ADAMTSL1: variants seen among roughly 807,000 people sequenced by gnomAD.
The protein encoded by ADAMTSL1 is ADAMTS-like protein 1.
A neutral mutation model predicts 201.8 loss-of-function variants in ADAMTSL1; 126 were observed. That is an observed-to-expected ratio of 0.62 (90% CI 0.54 to 0.72). ADAMTSL1 has a LOEUF of 0.72. ADAMTSL1 is among the 30% of genes least tolerant of loss of function. The pLI, the probability that ADAMTSL1 is intolerant of heterozygous loss-of-function variation, is 0.00. For missense variants in ADAMTSL1, 2,679 were observed against 2,277.8 expected (o/e 1.18, Z -3.59); for synonymous variants, 1,121 against 903.4 (o/e 1.24, Z -4.32).
At chr9:18,595,693 A>G (rs1824217764) in intron 4 of ADAMTSL1, among the ~76,000 whole-genome samples, 1 of 152,236 alleles carries the variant, frequency 6.6e-6, no homozygotes, top group South Asian at 2.1e-4. Flanking sequence ...TGCCAAGGCC[A>G]ATGTCAGCAA....
intron 1 of ADAMTSL1, among the ~76,000 whole-genome samples, chr9:18,084,113 C>A (rs981986964): frequency 3.9e-5 from 6 of 152,218 alleles, no homozygotes; most frequent in African/African-American, 1.4e-4. Flanking sequence ...AAATTCTTTG[C>A]CATGCGAGAA....
intron 26 of ADAMTSL1, among the ~76,000 whole-genome samples, chr9:18,899,519 G>T (rs532368127): frequency 1.3e-5 from 2 of 152,282 alleles, no homozygotes; most frequent in African/African-American, 4.8e-5. Context: ...GACAGAGCTG[G>T]AGGCATCACA....
chr9:18,390,260 G>C (rs9886800), intron 2 of ADAMTSL1, among the ~76,000 whole-genome samples: 67,397 of 151,902 alleles, frequency 0.44, 17,013 homozygotes, highest in East Asian at 0.63. Flanking sequence ...AACCATTTCT[G>C]TTACAGAAAC....
At chr9:18,843,535 G>A (rs1057260073) in intron 23 of ADAMTSL1, among the ~76,000 whole-genome samples, 5 of 150,564 alleles carry the variant, frequency 3.3e-5, no homozygotes, top group African/African-American at 5.0e-5. Flanking sequence ...TTCTCGAGGA[G>A]TATCTTTGTG....
intron 1 of ADAMTSL1, among the ~76,000 whole-genome samples, chr9:17,964,298 T>A (rs1169646700): frequency 6.6e-6 from 1 of 152,186 alleles, no homozygotes; most frequent in African/African-American, 2.4e-5. Context: ...CTTTGGTTGC[T>A]GATGACTTTA....
chr9:18,183,595 G>A (rs1336779541), intron 2 of ADAMTSL1, among the ~76,000 whole-genome samples: 1 of 152,058 alleles, frequency 6.6e-6, no homozygotes, highest in East Asian at 1.9e-4. Context: ...ATATACAGTT[G>A]GCAAATAAGC....
chr9:18,510,080 G>A (rs1199121528), intron 2 of ADAMTSL1, among the ~76,000 whole-genome samples: 1 of 152,136 alleles, frequency 6.6e-6, no homozygotes, highest in African/African-American at 2.4e-5. Flanking sequence ...CATCTACCAG[G>A]TAAATTAACC....
chr9:18,438,014 G>T (rs912437156), intron 2 of ADAMTSL1, among the ~76,000 whole-genome samples: 1 of 152,138 alleles, frequency 6.6e-6, no homozygotes, highest in East Asian at 1.9e-4. Context: ...GGGAAGGAGA[G>T]GATCAAGGTC....
chr9:17,934,707 C>G (rs910929578), intron 1 of ADAMTSL1, among the ~76,000 whole-genome samples: 1 of 151,978 alleles, frequency 6.6e-6, no homozygotes, highest in Non-Finnish European at 1.5e-5. Flanking sequence ...AGCTATCAGA[C>G]AAAAAGTCAA....
At chr9:18,663,291 C>T (rs899798745) in intron 9 of ADAMTSL1, among the ~76,000 whole-genome samples, 2 of 151,986 alleles carry the variant, frequency 1.3e-5, no homozygotes, top group African/African-American at 4.8e-5. Flanking sequence ...AACAGGTTTT[C>T]ATTAAAAGAA....
chr9:18,117,188 C>T (rs1014984203), intron 1 of ADAMTSL1, among the ~76,000 whole-genome samples: 1 of 152,094 alleles, frequency 6.6e-6, no homozygotes, highest in African/African-American at 2.4e-5. Context: ...ATTCTTTTGC[C>T]ATTCTCTAGC....
At chr9:18,649,812 C>T (rs890655938) in intron 7 of ADAMTSL1, among the ~76,000 whole-genome samples, 1 of 152,088 alleles carries the variant, frequency 6.6e-6, no homozygotes, top group Non-Finnish European at 1.5e-5. Flanking sequence ...GGGGGTGCCT[C>T]CCAGTTAGGC....
intron 2 of ADAMTSL1, among the ~76,000 whole-genome samples, chr9:18,314,925 T>C (rs540196893): frequency 2.0e-5 from 3 of 148,096 alleles, no homozygotes; most frequent in South Asian, 2.2e-4. Context: ...GCCTCCCGAG[T>C]AGCTGGGACT....
At chr9:18,443,768 A>C (rs1265966548) in intron 2 of ADAMTSL1, among the ~76,000 whole-genome samples, 1 of 152,220 alleles carries the variant, frequency 6.6e-6, no homozygotes, top group African/African-American at 2.4e-5. Flanking sequence ...TTCAGTGTAC[A>C]TGGATTATAG....
At chr9:18,505,015 T>C (rs951906957) in intron 2 of ADAMTSL1, 59 bp downstream of exon 2, 61 of 1,559,346 alleles carry the variant, frequency 3.9e-5, no homozygotes, top group Non-Finnish European at 4.8e-5. Context: ...GTTTGAGGCA[T>C]GCTTTTGTGA....
At chr9:18,098,478 A>G (rs567630668) in intron 1 of ADAMTSL1, among the ~76,000 whole-genome samples, 12 of 152,318 alleles carry the variant, frequency 7.9e-5, no homozygotes, top group Admixed American at 2.0e-4. Context: ...AATTTATTTC[A>G]AAGCTATTGT....
At chr9:18,779,196 C>G (rs1821239399) in intron 19 of ADAMTSL1, among the ~76,000 whole-genome samples, 1 of 152,308 alleles carries the variant, frequency 6.6e-6, no homozygotes, top group South Asian at 2.1e-4. Context: ...AACAAGCATT[C>G]AATATCAAGT....
At chr9:18,401,353 A>G (rs183191638) in intron 2 of ADAMTSL1, among the ~76,000 whole-genome samples, 91 of 152,256 alleles carry the variant, frequency 6.0e-4, no homozygotes, top group African/African-American at 2.1e-3. Flanking sequence ...GTTTCTGTTG[A>G]TTCCCACGGA....
chr9:18,815,654 G>A (rs1270945295), intron 20 of ADAMTSL1, among the ~76,000 whole-genome samples: 2 of 135,704 alleles, frequency 1.5e-5, no homozygotes, highest in South Asian at 4.6e-4. Flanking sequence ...GCTGCAGTGA[G>A]CCAACATCAC....
Sources: allele counts gnomAD v4.1 joint callset (sites outside exome capture counted in the v4.1 genomes callset), GRCh38; gene constraint gnomAD v4.1.1; transcripts MANE v1.5; gene names NCBI Gene and HGNC (gene_info 2026-07-23, HGNC 2026-07-21).